The following MYO10 variants were observed in gnomAD, a reference collection of about 807,000 sequenced individuals.
MYO10 encodes myosin X.
Under a neutral mutation model 257.3 loss-of-function variants are expected in MYO10, and 133 were observed. That is an observed-to-expected ratio of 0.52 (90% CI 0.45 to 0.60). The LOEUF is 0.60. MYO10 is among the 20% of genes least tolerant of loss of function. The probability of loss-of-function intolerance (pLI) is 0.00; values close to 1 mark genes in which losing one functional copy is unlikely to be tolerated. For synonymous variants in MYO10, 1,104 were observed against 1,028.6 expected, an observed-to-expected ratio of 1.07 and a Z score of -1.40; for missense variants, 2,399 against 2,635.7, an observed-to-expected ratio of 0.91 and a Z score of 1.97.
chr5:16,685,705 G>GC, intron 29 of MYO10, 33 bp downstream of exon 29: 7 of 679,660 alleles, frequency 1.0e-5, no homozygotes, highest in African/African-American at 2.1e-5. Flanking sequence ...GCCCCTAGAC[G>GC]CCCCACCCCC....
chr5:16,668,160 G>C, intron 40 of MYO10, 117 bp downstream of exon 40: 1 of 1,160,378 alleles, frequency 8.6e-7, no homozygotes, highest in Admixed American at 2.5e-5. Flanking sequence ...GTATTTTCGT[G>C]TTTTGAAGAA....
At chr5:16,763,858 C>G (rs912579891) in intron 12 of MYO10, 103 bp from the exon 13 acceptor site, 8 of 784,926 alleles carry the variant, frequency 1.0e-5, no homozygotes, top group Non-Finnish European at 1.7e-5. Context: ...AATATCAATG[C>G]CTGTTGTCTG....
chr5:16,733,907 T>C (rs1049364703), intron 19 of MYO10, among the ~76,000 whole-genome samples: 2 of 152,078 alleles, frequency 1.3e-5, no homozygotes, highest in African/African-American at 4.8e-5. Context: ...GCTTCTGAGC[T>C]GGGTGACTCG....
intron 1 of MYO10, among the ~76,000 whole-genome samples, chr5:16,880,765 C>T (rs1580109064): frequency 6.6e-6 from 1 of 152,206 alleles, no homozygotes; most frequent in East Asian, 1.9e-4. Flanking sequence ...AACTGCCTGT[C>T]AGTCCTGATT....
At chr5:16,835,492 GTT>G (rs1554001242) in intron 2 of MYO10, among the ~76,000 whole-genome samples, 2,274 of 80,850 alleles carry the variant, frequency 0.028, 21 homozygotes, top group African/African-American at 0.1. Flanking sequence ...ATTTTTGGCT[GTT>G]TTTTTTTTTT....
At chr5:16,804,098 A>G (rs1374523955) in intron 3 of MYO10, among the ~76,000 whole-genome samples, 1 of 152,204 alleles carries the variant, frequency 6.6e-6, no homozygotes, top group Non-Finnish European at 1.5e-5. Flanking sequence ...CACACTGTGG[A>G]TCTACAGCGA....
intron 4 of MYO10, among the ~76,000 whole-genome samples, chr5:16,785,910 C>G (rs537143285): frequency 6.6e-6 from 1 of 152,074 alleles, no homozygotes; most frequent in East Asian, 1.9e-4. Flanking sequence ...AAAAACCCGG[C>G]AGGCAGGCAG....
chr5:16,735,730 C>T (rs1159081036), intron 19 of MYO10, among the ~76,000 whole-genome samples: 5 of 150,852 alleles, frequency 3.3e-5, no homozygotes, highest in African/African-American at 9.8e-5. Flanking sequence ...GCTATTATGA[C>T]ACATTACACA....
intron 33 of MYO10, among the ~76,000 whole-genome samples, chr5:16,679,227 CAG>C (rs1736869992): frequency 6.6e-6 from 1 of 152,148 alleles, no homozygotes. Flanking sequence ...TGTACAGTGA[CAG>C]TGGAACTAGC....
intron 27 of MYO10, among the ~76,000 whole-genome samples, chr5:16,690,330 G>C (rs1203830935): frequency 2.0e-5 from 3 of 152,150 alleles, no homozygotes; most frequent in Non-Finnish European, 2.9e-5. Context: ...CTGCAGTGGG[G>C]TGGGGAGTGG....
At position 16,798,643 on chromosome 5, in the gene MYO10, G is replaced by C. The variant is rs377218143; in HGVS notation, c.280-3810C>G. Among the ~76,000 whole-genome samples, 25 of 152,194 alleles carry C rather than the reference G, an allele frequency of 1.6e-4. No homozygotes were observed. In the East Asian group the frequency reaches 3.3e-3, roughly 20 times the overall value. On this transcript the variant is annotated intron_variant, in intron 3 of 40. Transcript: ENST00000513610. ...AGTGCCTGGCCCCTTCCACTACTTTGTTTAAAATGCCATGTTTGTTTTCTA... is the reference window on the plus strand; with the variant it reads ...AGTGCCTGGCCCCTTCCACTACTTTCTTTAAAATGCCATGTTTGTTTTCTA...
At chr5:16,835,401 A>G (rs1743281210) in intron 2 of MYO10, among the ~76,000 whole-genome samples, 1 of 150,852 alleles carries the variant, frequency 6.6e-6, no homozygotes, top group Admixed American at 6.6e-5. Flanking sequence ...GGCGTTGTGG[A>G]GCATGCCTGT....
intron 1 of MYO10, among the ~76,000 whole-genome samples, chr5:16,888,668 G>A (rs1487546080): frequency 6.6e-6 from 1 of 151,652 alleles, no homozygotes; most frequent in African/African-American, 2.4e-5. Context: ...CTTGAGCCCA[G>A]ATGTTCGAGG....
intron 1 of MYO10, among the ~76,000 whole-genome samples, chr5:16,892,003 T>A (rs1745074154): frequency 6.6e-6 from 1 of 152,204 alleles, no homozygotes; most frequent in African/African-American, 2.4e-5. Flanking sequence ...ACATCATATT[T>A]ATATCATTTG....
chr5:16,830,655 A>C (rs1200159421), intron 2 of MYO10, among the ~76,000 whole-genome samples: 1 of 141,664 alleles, frequency 7.1e-6, no homozygotes, highest in Non-Finnish European at 1.6e-5. Context: ...ATGTAGTATA[A>C]TCCTAACGTT....
chr5:16,926,042 T>C (rs1746122172), intron 1 of MYO10, among the ~76,000 whole-genome samples: 1 of 152,190 alleles, frequency 6.6e-6, no homozygotes, highest in Non-Finnish European at 1.5e-5. Flanking sequence ...ATAATTTGAA[T>C]ATCCCTAGCA....
At chr5:16,793,517 T>A (rs1246196382) in intron 4 of MYO10, among the ~76,000 whole-genome samples, 1 of 152,080 alleles carries the variant, frequency 6.6e-6, no homozygotes, top group Non-Finnish European at 1.5e-5. Flanking sequence ...GAAATGGGGT[T>A]TCATCATGTT....
intron 2 of MYO10, among the ~76,000 whole-genome samples, chr5:16,855,581 T>G (rs144940514): frequency 6.6e-6 from 1 of 152,228 alleles, no homozygotes; most frequent in Non-Finnish European, 1.5e-5. Flanking sequence ...GGAAGGAAAT[T>G]AGGTTAATCG....
chr5:16,895,439 C>T (rs976541915), intron 1 of MYO10, among the ~76,000 whole-genome samples: 1 of 152,152 alleles, frequency 6.6e-6, no homozygotes, highest in Non-Finnish European at 1.5e-5. Context: ...AAGGAAAGTT[C>T]CTCCTAGTTC....
Sources: gnomAD v4.1 joint callset for allele counts (sites outside exome capture counted in the v4.1 genomes callset) on GRCh38, gnomAD v4.1.1 for gene constraint, MANE v1.5 for transcripts, NCBI Gene and HGNC (gene_info 2026-07-23, HGNC 2026-07-21) for gene names.